The following DHRSX variants were observed in gnomAD, a reference collection of about 807,000 sequenced individuals.
The protein encoded by DHRSX is polyprenol dehydrogenase.
A neutral mutation model predicts 34.0 loss-of-function variants in DHRSX; 31 were observed. The observed-to-expected ratio is 0.91, with a 90% CI of 0.69 to 1.23. The LOEUF (loss-of-function observed/expected upper bound fraction) is 1.23, where lower values mean the gene tolerates loss of function less well. Among genes scored for constraint, DHRSX ranks in the 50% most tolerant of loss-of-function variants. DHRSX has a pLI of 0.00. For synonymous variants in DHRSX, 201 were observed against 183.8 expected, an observed-to-expected ratio of 1.09 and a Z score of -0.76; for missense variants, 414 against 428.1, an observed-to-expected ratio of 0.97 and a Z score of 0.29.
chrX:2,416,606 C>A (rs2043696758), intron 2 of DHRSX, among the ~76,000 whole-genome samples: 1 of 152,102 alleles, frequency 6.6e-6, no homozygotes, highest in Admixed American at 6.6e-5. Context: ...AACATATGAA[C>A]ACATTTATTA....
chrX:2,341,853 G>A (rs1369579787), intron 3 of DHRSX, among the ~76,000 whole-genome samples: 1 of 149,782 alleles, frequency 6.7e-6, no homozygotes, highest in Non-Finnish European at 1.5e-5. Flanking sequence ...TGCCCAGGCT[G>A]GAGCGCAATG....
intron 4 of DHRSX, among the ~76,000 whole-genome samples, chrX:2,275,908 A>G (rs1170942706): frequency 1.3e-5 from 2 of 151,996 alleles, no homozygotes; most frequent in East Asian, 1.9e-4. Flanking sequence ...CAGTGGCACA[A>G]TCTCGGCCCA....
chrX:2,433,052 G>A (rs904913134), intron 1 of DHRSX, among the ~76,000 whole-genome samples: 1 of 151,962 alleles, frequency 6.6e-6, no homozygotes, highest in Non-Finnish European at 1.5e-5. Flanking sequence ...TGAGCCCAAG[G>A]GATGGAGGTT....
chrX:2,481,567 G>A (rs1459628983), intron 1 of DHRSX, among the ~76,000 whole-genome samples: 5 of 151,968 alleles, frequency 3.3e-5, no homozygotes, highest in Admixed American at 3.3e-4. Flanking sequence ...TCAGGAGGCT[G>A]AGACAGGAGA....
At chrX:2,318,862 T>C (rs773768961) in intron 3 of DHRSX, among the ~76,000 whole-genome samples, 1 of 152,214 alleles carries the variant, frequency 6.6e-6, no homozygotes, top group African/African-American at 2.4e-5. Context: ...CCAAATTCTT[T>C]CTTGCACAAG....
At chrX:2,463,169 A>G (rs1276175053) in intron 1 of DHRSX, among the ~76,000 whole-genome samples, 1 of 152,132 alleles carries the variant, frequency 6.6e-6, no homozygotes, top group African/African-American at 2.4e-5. Context: ...TTTATAAATT[A>G]CCCAACTGAA....
At chrX:2,462,353 A>AG (rs1055190429) in intron 1 of DHRSX, among the ~76,000 whole-genome samples, 9 of 152,130 alleles carry the variant, frequency 5.9e-5, no homozygotes, top group Admixed American at 5.2e-4. Context: ...TCAACGGTTA[A>AG]GGGAAAAAAA....
chrX:2,472,390 T>C (rs1056554962), intron 1 of DHRSX, among the ~76,000 whole-genome samples: 1 of 152,120 alleles, frequency 6.6e-6, no homozygotes, highest in Non-Finnish European at 1.5e-5. Flanking sequence ...GTAGGCTTAC[T>C]ACCTGGTTGA....
intron 6 of DHRSX, among the ~76,000 whole-genome samples, chrX:2,224,670 G>T (rs35950371): frequency 0.028 from 4,217 of 151,908 alleles, 124 homozygotes; most frequent in African/African-American, 0.067. Context: ...ACATACATTC[G>T]TATGTACTCA....
intron 3 of DHRSX, among the ~76,000 whole-genome samples, chrX:2,342,963 C>A (rs1467248811): frequency 6.6e-6 from 1 of 152,154 alleles, no homozygotes; most frequent in African/African-American, 2.4e-5. Context: ...GCATGGCCAT[C>A]TTGAACAAAC....
chrX:2,332,086 T>C (rs1220936706), intron 3 of DHRSX, among the ~76,000 whole-genome samples: 1 of 152,242 alleles, frequency 6.6e-6, no homozygotes, highest in Non-Finnish European at 1.5e-5. Context: ...AAAACAGTCT[T>C]AGCATAATGC....
At chrX:2,333,883 A>G (rs1239663454) in intron 3 of DHRSX, among the ~76,000 whole-genome samples, 3 of 152,204 alleles carry the variant, frequency 2.0e-5, no homozygotes, top group African/African-American at 7.2e-5. Context: ...GCTAAGGACA[A>G]TGATCTCCAG....
At chrX:2,430,419 G>A (rs2043904111) in intron 1 of DHRSX, among the ~76,000 whole-genome samples, 1 of 152,118 alleles carries the variant, frequency 6.6e-6, no homozygotes, top group African/African-American at 2.4e-5. Flanking sequence ...ACAACAGGTT[G>A]CAACAATCGC....
intron 2 of DHRSX, among the ~76,000 whole-genome samples, chrX:2,424,489 G>A (rs2043818086): frequency 6.6e-6 from 1 of 152,058 alleles, no homozygotes; most frequent in Admixed American, 6.6e-5. Flanking sequence ...GAATTGGGAG[G>A]AACCAGCCCT....
chrX:2,221,906 T>C lies in DHRSX; in HGVS notation c.805-677A>G, dbSNP rs374849143. Among the ~76,000 whole-genome samples, 189 of 152,254 alleles carry C rather than the reference T, an allele frequency of 1.2e-3. 1 individual carries two copies. The highest frequency in any genetic ancestry group is 4.3e-3 in the African/African-American group (177 of 41,560). ...GTAGGATTCTCAGAGGAATTAGAAG[T>C]TGTGGGACCTGAGAACCTTCAGAGC... On this transcript the variant is annotated intron_variant, in intron 6 of 6. Coordinates refer to ENST00000334651, the MANE Select transcript of DHRSX (RefSeq NM_145177.3).
chrX:2,238,423 T>C (rs1365546833), intron 6 of DHRSX, among the ~76,000 whole-genome samples: 2 of 152,088 alleles, frequency 1.3e-5, no homozygotes, highest in African/African-American at 2.4e-5. Context: ...TTACTGGCCG[T>C]GAATTTGGAA....
intron 3 of DHRSX, among the ~76,000 whole-genome samples, chrX:2,317,050 C>T (rs924326067): frequency 2.0e-5 from 3 of 152,078 alleles, no homozygotes; most frequent in Non-Finnish European, 4.4e-5. Context: ...CTTCGCCTCC[C>T]GGGTTCAAGT....
At position 2,391,423 on chromosome X, in the gene DHRSX, G is replaced by A. The variant is rs192191358; in HGVS notation, c.286+17322C>T. Among the ~76,000 whole-genome samples, 744 of 152,320 alleles carry A rather than the reference G, an allele frequency of 4.9e-3. 19 individuals carry two copies. The highest frequency in any genetic ancestry group is 0.041 in the Admixed American group (633 of 15,304). ...CTGGTGCAACACCAGTATGCACCAA[G>A]GCATAACCCAAGATTTAAGACGCAG... is the stretch of plus-strand genomic sequence containing the variant. On this transcript the variant is annotated intron_variant, in intron 3 of 6. Coordinates refer to ENST00000334651, the MANE Select transcript of DHRSX (RefSeq NM_145177.3).
At position 2,220,938 on chromosome X, in the gene DHRSX, C is replaced by T; in HGVS notation, c.*103G>A. ...AAACTAGAGGACAGAGCCCTGTGGG[C>T]AGGTGGGTGTGAGAAACTCAAACAC... On this transcript the variant is annotated 3_prime_UTR_variant, in exon 7 of 7. Transcript: ENST00000334651. The T allele has an allele frequency of 9.0e-7, 1 of 1,110,838 alleles. No individual in the cohort carries two copies. The highest frequency in any genetic ancestry group is 1.5e-5 in the South Asian group (1 of 65,304). 68.8% of individuals were successfully genotyped at this position (1,110,838 alleles called of 1,614,324 possible). A position where few individuals can be genotyped will look rare whatever the true frequency, so the allele number is the denominator to read the frequency against.
Sources: gnomAD v4.1 joint callset for allele counts (sites outside exome capture counted in the v4.1 genomes callset) on GRCh38, gnomAD v4.1.1 for gene constraint, MANE v1.5 for transcripts, NCBI Gene and HGNC (gene_info 2026-07-23, HGNC 2026-07-21) for gene names.